FXR1: variants seen among roughly 807,000 people sequenced by gnomAD.
FXR1 encodes FMR1 autosomal homolog 1.
FXR1 carries 15 observed loss-of-function variants against 84.0 expected under a neutral mutation model. The observed-to-expected ratio is 0.18, with a 90% CI of 0.12 to 0.27. FXR1 has a LOEUF of 0.27. Ranked by LOEUF, FXR1 falls within the 10% of genes least tolerant of loss-of-function variation. FXR1 has a pLI of 1.00. For synonymous variants in FXR1, 245 were observed against 250.7 expected (o/e 0.98, Z 0.21); for missense variants, 480 against 774.4 (o/e 0.62, Z 4.51).
At chr3:180,937,573 AT>A (rs1177349665) in intron 3 of FXR1, among the ~76,000 whole-genome samples, 1 of 151,974 alleles carries the variant, frequency 6.6e-6, no homozygotes, top group African/African-American at 2.4e-5. Context: ...GCTCTCTAGA[AT>A]TTTGTAAGTC....
chr3:180,964,247 T>C (rs1430758053), intron 13 of FXR1, among the ~76,000 whole-genome samples: 1 of 152,210 alleles, frequency 6.6e-6, no homozygotes, highest in East Asian at 1.9e-4. Flanking sequence ...CTGAAAATGT[T>C]TAATGCAAAA....
intron 1 of FXR1, among the ~76,000 whole-genome samples, chr3:180,918,826 G>A (rs1010819268): frequency 6.6e-6 from 1 of 152,112 alleles, no homozygotes; most frequent in Non-Finnish European, 1.5e-5. Flanking sequence ...AGACTTTGTA[G>A]GTGCCTTACT....
intron 9 of FXR1, among the ~76,000 whole-genome samples, chr3:180,956,440 A>G (rs781477611): frequency 6.6e-6 from 1 of 152,226 alleles, no homozygotes; most frequent in Non-Finnish European, 1.5e-5. Context: ...GTTCCTGCCA[A>G]GGACCCCAGA....
chr3:180,945,253 A>G (rs1222038033), intron 3 of FXR1, among the ~76,000 whole-genome samples: 19 of 152,208 alleles, frequency 1.2e-4, no homozygotes, highest in Admixed American at 1.2e-3. Flanking sequence ...ACATTTAGTC[A>G]GTTGGATTGA....
chr3:180,965,803 G>A (rs1712749353), intron 13 of FXR1, among the ~76,000 whole-genome samples: 1 of 152,188 alleles, frequency 6.6e-6, no homozygotes, highest in African/African-American at 2.4e-5. Context: ...TTAAAATTTT[G>A]GGGGGTACGG....
At chr3:180,925,336 G>A (rs1468830324) in intron 1 of FXR1, among the ~76,000 whole-genome samples, 1 of 151,336 alleles carries the variant, frequency 6.6e-6, no homozygotes, top group Non-Finnish European at 1.5e-5. Flanking sequence ...CTCCGGCCTG[G>A]GCAACAGAGC....
At chr3:180,967,371 T>C (rs1712963377) in intron 13 of FXR1, among the ~76,000 whole-genome samples, 1 of 152,138 alleles carries the variant, frequency 6.6e-6, no homozygotes, top group Non-Finnish European at 1.5e-5. Context: ...GTGAAAAGTA[T>C]ACCCTAGAAT....
At position 180,946,222 on chromosome 3, in the gene FXR1, G is replaced by A. The variant is rs775097413; in HGVS notation, c.199-1643G>A. On this transcript the variant is annotated intron_variant, in intron 3 of 16. Transcript: ENST00000357559. ...CCTCAGGCTATGCAGTAAGGAAACTGTATGAACATTAACAGTTTATTTCAC... is the reference window on the plus strand; with the variant it reads ...CCTCAGGCTATGCAGTAAGGAAACTATATGAACATTAACAGTTTATTTCAC... 1.8e-4 allele frequency among the ~76,000 whole-genome samples: 28 copies of A among 152,296 alleles called. 1 individual carries two copies. The highest frequency in any genetic ancestry group is 3.4e-3 in the Middle Eastern group (1 of 294).
intron 1 of FXR1, among the ~76,000 whole-genome samples, chr3:180,930,229 C>T (rs1378317044): frequency 1.3e-5 from 2 of 151,704 alleles, no homozygotes; most frequent in African/African-American, 2.4e-5. Context: ...CACCACTGCA[C>T]TCCAGCCTGG....
intron 3 of FXR1, among the ~76,000 whole-genome samples, chr3:180,942,046 C>A (rs1721182452): frequency 1.3e-5 from 2 of 151,988 alleles, no homozygotes; most frequent in African/African-American, 2.4e-5. Flanking sequence ...GGTAAAAATT[C>A]TCTGTCTTTG....
chr3:180,971,248 C>T lies in FXR1; in HGVS notation c.1603+890C>T, dbSNP rs914516854. 4.3e-5 allele frequency: 14 copies of T among 324,930 alleles called. No homozygotes were observed. The Admixed American group carries it at 4.7e-4, about 11-fold the overall frequency. The allele number at this position is 324,930 out of a possible 1,614,324, so 20.1% of individuals were successfully genotyped here. A position where few individuals can be genotyped will look rare whatever the true frequency, so the allele number is the denominator to read the frequency against. On this transcript the variant is annotated intron_variant, in intron 15 of 16. Coordinates refer to ENST00000357559, the MANE Select transcript of FXR1 (RefSeq NM_005087.4). ...TAAATATATTATACTTACATGTACA[C>T]ATGTGTGCATATACATTCAAAATTT... is the stretch of plus-strand genomic sequence containing the variant.
intron 1 of FXR1, among the ~76,000 whole-genome samples, chr3:180,913,075 G>C (rs1238464559): frequency 2.0e-5 from 3 of 152,074 alleles, no homozygotes; most frequent in Non-Finnish European, 4.4e-5. Context: ...GCTCTGGGAG[G>C]TGGGGGAGTC....
chr3:180,964,789 T>A (rs1712605517), intron 13 of FXR1, among the ~76,000 whole-genome samples: 1 of 151,162 alleles, frequency 6.6e-6, no homozygotes, highest in African/African-American at 2.4e-5. Context: ...TGTGTTAAAT[T>A]GGACATCTTA....
intron 3 of FXR1, among the ~76,000 whole-genome samples, chr3:180,938,662 C>T (rs1385276484): frequency 6.6e-6 from 1 of 152,144 alleles, no homozygotes; most frequent in East Asian, 1.9e-4. Context: ...GATTCTCCTG[C>T]CTCAGCCTCC....
At position 180,948,614 on chromosome 3, in the gene FXR1, A is replaced by G. The variant is rs1189683816; in HGVS notation, c.420-107A>G. ...TGATGGAAAATCATCTTAATGAACA[A>G]AGGTTTTAGTGGGGCTTGTCAAAAT... On this transcript the variant is annotated intron_variant, in intron 5 of 16. Coordinates refer to ENST00000357559, the MANE Select transcript of FXR1 (RefSeq NM_005087.4). The G allele has an allele frequency of 1.4e-5, 14 of 989,666 alleles. No individual in the cohort carries two copies. In the East Asian group the frequency reaches 1.9e-4, roughly 13 times the overall value. The allele number at this position is 989,666 out of a possible 1,614,324, so 61.3% of individuals were successfully genotyped here. A position where few individuals can be genotyped will look rare whatever the true frequency, so the allele number is the denominator to read the frequency against.
intron 11 of FXR1, 49 bp downstream of exon 11, chr3:180,961,603 AC>A: frequency 7.1e-6 from 6 of 844,898 alleles, no homozygotes; most frequent in South Asian, 1.5e-5. Context: ...TGCATTTACT[AC>A]ATAAATGTTG....
At chr3:180,966,542 T>C (rs950866075) in intron 13 of FXR1, among the ~76,000 whole-genome samples, 3 of 152,166 alleles carry the variant, frequency 2.0e-5, no homozygotes, top group Admixed American at 6.5e-5. Context: ...ATCACTCTTA[T>C]CTGAGAGTTT....
chr3:180,945,040 C>T (rs999344260), intron 3 of FXR1, among the ~76,000 whole-genome samples: 3 of 152,238 alleles, frequency 2.0e-5, no homozygotes, highest in African/African-American at 7.2e-5. Flanking sequence ...TAACTAACTG[C>T]TCACTGTTAT....
Position 180,980,610 on chromosome 3 carries a change from A to C in FXR1, c.*4318A>C, listed in dbSNP as rs1392392360. 1 of 152,016 alleles carries C rather than the reference A, an allele frequency of 6.6e-6. No individual in the cohort carries two copies. Among genetic ancestry groups the C allele is most frequent in the Non-Finnish European group, 1.5e-5 (1 of 67,930 alleles). 9.4% of individuals were successfully genotyped at this position (152,016 alleles called of 1,614,324 possible). ...GGCTGTCTTCAGGTTGTAAAGAAAA[A>C]TGTAAACATATATTTGAAATTTCAT... On this transcript the variant is annotated 3_prime_UTR_variant, in exon 17 of 17. Coordinates refer to ENST00000357559, the MANE Select transcript of FXR1 (RefSeq NM_005087.4).
Sources: gnomAD v4.1 joint callset for allele counts (sites outside exome capture counted in the v4.1 genomes callset) on GRCh38, gnomAD v4.1.1 for gene constraint, MANE v1.5 for transcripts, NCBI Gene and HGNC (gene_info 2026-07-23, HGNC 2026-07-21) for gene names.